The following KLHL6 variants were observed in gnomAD, a reference collection of about 807,000 sequenced individuals.
KLHL6 encodes kelch-like protein 6.
In KLHL6, 41 loss-of-function variants were observed where a neutral mutation model predicts 58.6. That is an observed-to-expected ratio of 0.70 (90% confidence interval 0.55 to 0.91). KLHL6 has a LOEUF of 0.91. KLHL6 is among the 40% of genes least tolerant of loss of function. KLHL6 has a pLI of 0.00. For synonymous variants in KLHL6, 338 were observed against 322.7 expected (o/e 1.05, Z -0.51); for missense variants, 714 against 805.6 (o/e 0.89, Z 1.38).
At chr3:183,510,372 G>A (rs1472449036) in intron 2 of KLHL6, among the ~76,000 whole-genome samples, 9 of 152,114 alleles carry the variant, frequency 5.9e-5, no homozygotes, top group Admixed American at 2.0e-4. Flanking sequence ...ACCTGACTGG[G>A]GAGGGTTGGC....
intron 3 of KLHL6, among the ~76,000 whole-genome samples, chr3:183,506,788 A>C (rs1379101005): frequency 6.6e-6 from 1 of 151,862 alleles, no homozygotes; most frequent in African/African-American, 2.4e-5. Context: ...TGATTGCACC[A>C]CTGTACTCCA....
chr3:183,528,794 T>A (rs1319301399), intron 1 of KLHL6, among the ~76,000 whole-genome samples: 1 of 152,190 alleles, frequency 6.6e-6, no homozygotes, highest in East Asian at 1.9e-4. Flanking sequence ...TTAAGTTTAT[T>A]GTAAGGATTA....
intron 3 of KLHL6, 108 bp downstream of exon 3, chr3:183,507,951 C>G (rs1718056312): frequency 1.0e-6 from 1 of 968,498 alleles, no homozygotes; most frequent in African/African-American, 1.6e-5. Context: ...AGTGTTTTCT[C>G]CTTAATGCCC....
chr3:183,533,185 A>T (rs1437335989), intron 1 of KLHL6, among the ~76,000 whole-genome samples: 2 of 151,930 alleles, frequency 1.3e-5, no homozygotes, highest in African/African-American at 2.4e-5. Flanking sequence ...AGGGGATTAC[A>T]CCTCTAAGTC....
intron 1 of KLHL6, among the ~76,000 whole-genome samples, chr3:183,532,447 G>T (rs935168277): frequency 2.6e-5 from 4 of 152,230 alleles, no homozygotes; most frequent in African/African-American, 9.6e-5. Context: ...ACTAATACTG[G>T]CAGTCTGTAT....
chr3:183,533,546 C>A (rs1712228318), intron 1 of KLHL6, among the ~76,000 whole-genome samples: 1 of 151,970 alleles, frequency 6.6e-6, no homozygotes, highest in Non-Finnish European at 1.5e-5. Context: ...GCCAAGATTA[C>A]AGGCATGAGC....
intron 2 of KLHL6, among the ~76,000 whole-genome samples, chr3:183,511,242 G>C (rs1398837043): frequency 6.6e-6 from 1 of 152,246 alleles, no homozygotes; most frequent in Admixed American, 6.5e-5. Context: ...ATGCCTGGAC[G>C]TGCACGTAGG....
intron 1 of KLHL6, among the ~76,000 whole-genome samples, chr3:183,534,121 TAAAGTACTTTGTACTTTTAAAGTACTTTA>T (rs1560107016): frequency 1.7e-5 from 2 of 119,750 alleles, no homozygotes; most frequent in East Asian, 2.5e-4. Context: ...ACTTTACTTT[TAAAGTACTTTGTACTTTTAAAGTACTTTA>T]AAAGTACTTT....
chr3:183,537,698 G>A (rs531482589), intron 1 of KLHL6, among the ~76,000 whole-genome samples: 5 of 152,144 alleles, frequency 3.3e-5, no homozygotes, highest in East Asian at 1.9e-4. Flanking sequence ...CTGGCCACAC[G>A]CCTCTCCATT....
intron 3 of KLHL6, among the ~76,000 whole-genome samples, chr3:183,504,896 C>T (rs770451255): frequency 9.9e-5 from 15 of 152,066 alleles, no homozygotes; most frequent in Non-Finnish European, 4.4e-5. Flanking sequence ...TCTTTTGTTC[C>T]CTTCTTTGTG....
intron 4 of KLHL6, among the ~76,000 whole-genome samples, chr3:183,495,847 G>A (rs1188640028): frequency 6.6e-6 from 1 of 152,068 alleles, no homozygotes; most frequent in African/African-American, 2.4e-5. Flanking sequence ...AAACAGTGCA[G>A]TACTAGACAA....
Position 183,527,894 on chromosome 3 carries a change from A to G in KLHL6, c.410T>C (p.Ile137Thr). 2 of 1,614,014 alleles carry G rather than the reference A, an allele frequency of 1.2e-6. No homozygotes were observed. Among genetic ancestry groups the G allele is most frequent in the Non-Finnish European group, 1.7e-6 (2 of 1,179,982 alleles). The change falls in exon 2 of 7, where the codon ATC becomes ACC. Residue 137 changes from isoleucine (I) to threonine (T), a missense_variant. By Grantham distance (89) the Ile-to-Thr change is moderately conservative (BLOSUM62 -1). Around this residue, in one of 2 missense-constraint regions of KLHL6, gnomAD observed 204 missense variants for 175.9 expected, o/e 1.16. Transcript: ENST00000341319. ...LDYTYTSKAL[I>T]TKQNVQRVLE... ...GACCCGCTGGACATTCTGCTTGGTG[A>G]TCAGCGCCTTGCTGGTGTACGTGTA...
At chr3:183,542,925 A>C (rs1416806876) in intron 1 of KLHL6, among the ~76,000 whole-genome samples, 1 of 150,674 alleles carries the variant, frequency 6.6e-6, no homozygotes, top group Non-Finnish European at 1.5e-5. Context: ...GAAATTCACT[A>C]AGTCCACTCA....
rs751637579 is a variant in KLHL6, at chr3:183,508,414, G to A, written c.554C>T (p.Ser185Leu). Reference sequence around the variant, plus strand: ...AACCTGCTTCTTTAGACTGTCCAGCGAGTGTGTGTCAGCCAGCCTCAGTAT... The same window carrying A: ...AACCTGCTTCTTTAGACTGTCCAGCAAGTGTGTGTCAGCCAGCCTCAGTAT... ...VGILRLADTH[S>L]LDSLKKQVQS... Residue 185 changes from serine to leucine, a missense_variant, in exon 3 of 7, where the codon TCG becomes TTG. Physicochemically the swap from Ser to Leu is moderately radical, Grantham distance 145. Coordinates refer to ENST00000341319, the MANE Select transcript of KLHL6 (RefSeq NM_130446.4). 8 of 1,614,110 alleles carry A rather than the reference G, an allele frequency of 5.0e-6. No homozygotes were observed. The highest frequency in any genetic ancestry group is 2.2e-5 in the East Asian group (1 of 44,900).
At chr3:183,510,148 C>G (rs1718140309) in intron 2 of KLHL6, among the ~76,000 whole-genome samples, 1 of 152,056 alleles carries the variant, frequency 6.6e-6, no homozygotes, top group South Asian at 2.1e-4. Flanking sequence ...TTGGTTCATT[C>G]TTATTTGTTG....
rs971853108 is a variant in KLHL6 at position 183,499,223 on chromosome 3, G to A, written c.1147+367C>T. Among the ~76,000 whole-genome samples, 1 of 152,090 alleles carries A rather than the reference G, an allele frequency of 6.6e-6. No homozygotes were observed. Among genetic ancestry groups the A allele is most frequent in the African/African-American group, 2.4e-5 (1 of 41,406 alleles). On this transcript the variant is annotated intron_variant, in intron 4 of 6. Coordinates refer to ENST00000341319, the MANE Select transcript of KLHL6 (RefSeq NM_130446.4). The surrounding 1 kb of genome is among the most constrained non-coding windows in gnomAD (Gnocchi z 4.6). ...TGGGCATGGTGGCAGGCACCTGATT[G>A]TAATCCCAGCTACTCGGGAGGGTGA... is the stretch of plus-strand genomic sequence containing the variant.
At position 183,491,660 on chromosome 3, in the gene KLHL6, A is replaced by AG; in HGVS notation, c.*266dup. 2.8e-6 allele frequency: 1 copy of AG among 357,576 alleles called. No homozygotes were observed. Among genetic ancestry groups the AG allele is most frequent in the Non-Finnish European group, 5.0e-6 (1 of 199,552 alleles). The allele number at this position is 357,576 out of a possible 1,614,324, so 22.2% of individuals were successfully genotyped here. On this transcript the variant is annotated 3_prime_UTR_variant, in exon 7 of 7. Transcript: ENST00000341319. ...ACCGATAAAAGGAAGTGCCTGGCACAGAAGCCGGCATAGGGTGGGTGGGTC... is the reference window on the plus strand; with the variant it reads ...ACCGATAAAAGGAAGTGCCTGGCACAGGAAGCCGGCATAGGGTGGGTGGGTC...
intron 1 of KLHL6, among the ~76,000 whole-genome samples, chr3:183,530,581 A>T (rs1013030519): frequency 6.6e-6 from 1 of 152,142 alleles, no homozygotes; most frequent in Non-Finnish European, 1.5e-5. Context: ...GGCAAAAGGG[A>T]ACCAAAAATT....
At position 183,499,796 on chromosome 3, in the gene KLHL6, T is replaced by C; in HGVS notation, c.941A>G (p.His314Arg). 1.2e-6 allele frequency: 2 copies of C among 1,602,456 alleles called. No individual in the cohort carries two copies. The highest frequency in any genetic ancestry group is 1.7e-6 in the Non-Finnish European group (2 of 1,174,572). Residue 314 changes from histidine to arginine, a missense_variant, in exon 4 of 7, where the codon CAT becomes CGT. Coordinates refer to ENST00000341319, the MANE Select transcript of KLHL6 (RefSeq NM_130446.4). This position sits in a 1 kb window ranked among gnomAD's most constrained non-coding sequence, Gnocchi z 4.6. ...IISERTKPRM[H>R]EFQSEVFMII... ...CATGAACACCTCAGACTGGAACTCA[T>C]GCATCCTGGGCTTGGTGCGTTCCGA... is the stretch of plus-strand genomic sequence containing the variant.
Sources: gnomAD v4.1 joint callset for allele counts (sites outside exome capture counted in the v4.1 genomes callset) on GRCh38, gnomAD v4.1.1 for gene constraint, gnomAD v4.1.1 regional missense constraint, Gnocchi (gnomAD v3.1) non-coding constraint, MANE v1.5 for transcripts, NCBI Gene and HGNC (gene_info 2026-07-23, HGNC 2026-07-21) for gene names.